Variants in ROR1 observed in about 807,000 individuals in gnomAD.
The protein encoded by ROR1 is ROR family WNT receptor 1.
In ROR1, 19 loss-of-function variants were observed where a neutral mutation model predicts 78.8. The ratio of observed to expected loss-of-function variants is 0.24; its 90% CI spans 0.17 to 0.35. The LOEUF (loss-of-function observed/expected upper bound fraction) is 0.35. ROR1 is among the 10% of genes least tolerant of loss of function. The pLI, the probability that ROR1 is intolerant of heterozygous loss-of-function variation, is 1.00. For synonymous variants in ROR1, 386 were observed against 433.6 expected, an observed-to-expected ratio of 0.89 and a Z score of 1.36; for missense variants, 917 against 1,177.8, an observed-to-expected ratio of 0.78 and a Z score of 3.24.
At chr1:63,893,941 T>C (rs1645420112) in intron 1 of ROR1, among the ~76,000 whole-genome samples, 1 of 152,206 alleles carries the variant, frequency 6.6e-6, no homozygotes, top group Non-Finnish European at 1.5e-5. Flanking sequence ...ATACGATTTT[T>C]TTCTTTCCTC....
intron 1 of ROR1, among the ~76,000 whole-genome samples, chr1:63,988,386 C>A (rs772410192): frequency 7.2e-5 from 11 of 152,176 alleles, no homozygotes; most frequent in Admixed American, 5.2e-4. Flanking sequence ...TAACTTCTTC[C>A]TTGGTATCTC....
chr1:63,882,566 G>T (rs1645330308), intron 1 of ROR1, among the ~76,000 whole-genome samples: 1 of 152,172 alleles, frequency 6.6e-6, no homozygotes, highest in African/African-American at 2.4e-5. Context: ...GAGGATATTT[G>T]CTAGGGAAAA....
intron 4 of ROR1, among the ~76,000 whole-genome samples, chr1:64,104,001 C>A: frequency 6.6e-6 from 1 of 152,080 alleles, no homozygotes; most frequent in South Asian, 2.1e-4. Context: ...GCCAGAGATG[C>A]TGCTAAATAT....
intron 1 of ROR1, among the ~76,000 whole-genome samples, chr1:63,879,659 T>C (rs1222674308): frequency 6.6e-6 from 1 of 152,150 alleles, no homozygotes; most frequent in Non-Finnish European, 1.5e-5. Context: ...AGTGAGAGTC[T>C]TATAGTGAAG....
At chr1:63,821,905 C>T (rs1644926012) in intron 1 of ROR1, among the ~76,000 whole-genome samples, 1 of 152,104 alleles carries the variant, frequency 6.6e-6, no homozygotes, top group African/African-American at 2.4e-5. Context: ...TCACAATTGC[C>T]CCAGAAACCT....
chr1:63,909,021 A>T (rs1645548790), intron 1 of ROR1, among the ~76,000 whole-genome samples: 1 of 152,178 alleles, frequency 6.6e-6, no homozygotes, highest in Admixed American at 6.5e-5. Context: ...TCTGACCCAT[A>T]TGTGGTTTCC....
chr1:63,801,538 G>T (rs561224192), intron 1 of ROR1, among the ~76,000 whole-genome samples: 2 of 152,064 alleles, frequency 1.3e-5, no homozygotes, highest in Admixed American at 6.6e-5. Flanking sequence ...CAAGTGATCC[G>T]CCCGCCTCAG....
At chr1:63,778,991 C>T (rs1046036129) in intron 1 of ROR1, among the ~76,000 whole-genome samples, 1 of 152,186 alleles carries the variant, frequency 6.6e-6, no homozygotes, top group Non-Finnish European at 1.5e-5. Flanking sequence ...GCTTGCTTAG[C>T]TGTAATCTAG....
intron 4 of ROR1, among the ~76,000 whole-genome samples, chr1:64,129,296 T>C (rs1452171068): frequency 6.6e-6 from 1 of 152,218 alleles, no homozygotes; most frequent in African/African-American, 2.4e-5. Flanking sequence ...ACCTTCTCTT[T>C]TTCAATCCAT....
At chr1:63,885,418 G>A (rs12073830) in intron 1 of ROR1, among the ~76,000 whole-genome samples, 3,506 of 152,168 alleles carry the variant, frequency 0.023, 143 homozygotes, top group African/African-American at 0.08. Context: ...GCCACAGAGG[G>A]GTGAATATTG....
At chr1:64,128,536 C>T (rs1473543391) in intron 4 of ROR1, among the ~76,000 whole-genome samples, 1 of 146,102 alleles carries the variant, frequency 6.8e-6, no homozygotes, top group African/African-American at 2.5e-5. Context: ...ATTGACTACA[C>T]ATTTCAGATT....
At chr1:64,109,276 A>C (rs1438961645) in intron 4 of ROR1, among the ~76,000 whole-genome samples, 10 of 152,198 alleles carry the variant, frequency 6.6e-5, no homozygotes, top group Non-Finnish European at 1.5e-5. Context: ...GCTTACATTA[A>C]AGTTTACTTA....
intron 7 of ROR1, among the ~76,000 whole-genome samples, chr1:64,154,802 T>A (rs189616910): frequency 2.4e-4 from 37 of 152,346 alleles, no homozygotes; most frequent in Middle Eastern, 3.4e-3. Flanking sequence ...TTTTAAACAG[T>A]TATTCCAAAG....
intron 1 of ROR1, among the ~76,000 whole-genome samples, chr1:63,851,032 T>G (rs1569816492): frequency 1.3e-5 from 2 of 152,196 alleles, no homozygotes; most frequent in Admixed American, 6.5e-5. Flanking sequence ...CAAGCTGGAG[T>G]GCAGTGGCAC....
intron 1 of ROR1, among the ~76,000 whole-genome samples, chr1:63,841,957 G>T (rs1357356679): frequency 6.6e-6 from 1 of 152,014 alleles, no homozygotes; most frequent in Admixed American, 6.6e-5. Context: ...CCTCCAAACT[G>T]AATTTATTAT....
chr1:63,836,974 C>G (rs59664077), intron 1 of ROR1, among the ~76,000 whole-genome samples: 4,773 of 152,236 alleles, frequency 0.031, 170 homozygotes, highest in South Asian at 0.11. Flanking sequence ...ATCAAGACAT[C>G]GGTTCCCTGT....
At chr1:64,021,953 A>G (rs974338347) in intron 2 of ROR1, among the ~76,000 whole-genome samples, 1 of 152,236 alleles carries the variant, frequency 6.6e-6, no homozygotes, top group Non-Finnish European at 1.5e-5. Flanking sequence ...ACATATTCAT[A>G]GCTGTATTAC....
chr1:63,881,777 A>C (rs1279512802), intron 1 of ROR1, among the ~76,000 whole-genome samples: 1 of 152,188 alleles, frequency 6.6e-6, no homozygotes, highest in Non-Finnish European at 1.5e-5. Context: ...CCCCTAAGGA[A>C]ATATAAAATA....
intron 4 of ROR1, among the ~76,000 whole-genome samples, chr1:64,123,839 A>G (rs1286556277): frequency 1.3e-5 from 2 of 152,158 alleles, no homozygotes; most frequent in Admixed American, 1.3e-4. Flanking sequence ...AACCCTGAAA[A>G]TGTGCATACC....
Sources: gnomAD v4.1 joint callset for allele counts (sites outside exome capture counted in the v4.1 genomes callset) on GRCh38, gnomAD v4.1.1 for gene constraint, MANE v1.5 for transcripts, NCBI Gene and HGNC (gene_info 2026-07-23, HGNC 2026-07-21) for gene names.